The following SLIT3 variants were observed in gnomAD, a reference collection of about 807,000 sequenced individuals.
SLIT3 encodes slit guidance ligand 3.
A neutral mutation model predicts 184.0 loss-of-function variants in SLIT3; 68 were observed. That is an observed-to-expected ratio of 0.37 (90% CI 0.30 to 0.45). The LOEUF (loss-of-function observed/expected upper bound fraction) is 0.45, where lower values mean the gene tolerates loss of function less well. Among genes scored for constraint, SLIT3 ranks in the 20% least tolerant of loss-of-function variants. The pLI is 1.00. For missense variants in SLIT3, 1,707 were observed against 2,026.0 expected (o/e 0.84, Z 3.02); for synonymous variants, 831 against 828.6 (o/e 1.00, Z -0.05).
In SLIT3 at chr5:168,666,511, G is replaced by A. The variant is rs1178078129; in HGVS notation, c.4515C>T (p.Ser1505=). The A allele has an allele frequency of 5.6e-6, 9 of 1,609,194 alleles. No individual in the cohort carries two copies. Among genetic ancestry groups the A allele is most frequent in the Non-Finnish European group, 5.9e-6 (7 of 1,177,552 alleles). ...GTCTCTCCACCTCTTCTACAAACGA[G>A]GAGCCGTCCGTGCACTGGAAGACGT... ...RKYVFQCTDG[S]SFVEEVERHL... Residue 1505 remains serine, a synonymous_variant, in exon 36 of 36, where the codon TCC becomes TCT. Coordinates refer to ENST00000519560, the MANE Select transcript of SLIT3 (RefSeq NM_003062.4).
intron 20 of SLIT3, among the ~76,000 whole-genome samples, chr5:168,741,236 CGAGGCGG>C (rs1017301115): frequency 6.6e-6 from 1 of 151,998 alleles, no homozygotes; most frequent in African/African-American, 2.4e-5. Context: ...TTTGGGAGGC[CGAGGCGG>C]GCGGATCACG....
intron 4 of SLIT3, among the ~76,000 whole-genome samples, chr5:169,079,432 G>A (rs1758876580): frequency 6.7e-6 from 1 of 148,476 alleles, no homozygotes; most frequent in African/African-American, 2.5e-5. Context: ...TAAGAGACCA[G>A]GGTCAGGGAT....
intron 3 of SLIT3, among the ~76,000 whole-genome samples, chr5:169,197,870 T>C (rs1417489915): frequency 1.3e-5 from 2 of 152,190 alleles, no homozygotes; most frequent in African/African-American, 2.4e-5. Context: ...CAGCCTGAAT[T>C]GAGAAGCACT....
chr5:168,794,427 A>C (rs1181574752), intron 10 of SLIT3, among the ~76,000 whole-genome samples: 2 of 152,202 alleles, frequency 1.3e-5, no homozygotes, highest in Non-Finnish European at 2.9e-5. Context: ...TGAGTGACTC[A>C]CAGAGCAGTG....
chr5:168,894,557 G>A (rs1270571680), intron 4 of SLIT3, among the ~76,000 whole-genome samples: 1 of 152,058 alleles, frequency 6.6e-6, no homozygotes, highest in East Asian at 1.9e-4. Flanking sequence ...GAGAACTAAT[G>A]CTCCTAGAAC....
At chr5:168,752,850 C>A in intron 18 of SLIT3, 105 bp downstream of exon 18, 1 of 1,184,210 alleles carries the variant, frequency 8.4e-7, no homozygotes, top group Non-Finnish European at 1.2e-6. Context: ...TTTAAGTGGA[C>A]AGACAGATAG....
intron 4 of SLIT3, among the ~76,000 whole-genome samples, chr5:169,122,814 C>T (rs745555232): frequency 6.6e-5 from 10 of 152,076 alleles, no homozygotes. Context: ...CATCCCCATC[C>T]CTAGGAAATA....
Position 168,789,658 on chromosome 5 carries a change from G to A in SLIT3, c.1008-27C>T, listed in dbSNP as rs552406859. On this transcript the variant is annotated intron_variant, in intron 10 of 35. Coordinates refer to ENST00000519560, the MANE Select transcript of SLIT3 (RefSeq NM_003062.4). ...TGAAAACGTTAACGGTAAAGTCTGAGAACATGGCTCAAAGGTGCGATAACG... is the reference window on the plus strand; with the variant it reads ...TGAAAACGTTAACGGTAAAGTCTGAAAACATGGCTCAAAGGTGCGATAACG... 109 of 1,589,044 alleles carry A rather than the reference G, an allele frequency of 6.9e-5. No individual in the cohort carries two copies. The South Asian group carries it at 1.1e-3, about 16-fold the overall frequency.
chr5:168,922,512 C>T (rs921435793), intron 4 of SLIT3, among the ~76,000 whole-genome samples: 2 of 149,498 alleles, frequency 1.3e-5, no homozygotes, highest in East Asian at 2.0e-4. Context: ...AGTAAAAATC[C>T]GTAGAGGTGG....
chr5:169,200,787 C>A (rs533092552), intron 3 of SLIT3, among the ~76,000 whole-genome samples: 1 of 152,252 alleles, frequency 6.6e-6, no homozygotes, highest in South Asian at 2.1e-4. Flanking sequence ...GTCTAACAGC[C>A]AATTCAGGCT....
intron 1 of SLIT3, among the ~76,000 whole-genome samples, chr5:169,262,651 T>C (rs891013460): frequency 2.0e-5 from 3 of 152,174 alleles, no homozygotes; most frequent in African/African-American, 7.2e-5. Context: ...TCCTGCCAGA[T>C]TAATTTCCCC....
At chr5:168,839,666 G>A (rs984344436) in intron 6 of SLIT3, among the ~76,000 whole-genome samples, 5 of 152,124 alleles carry the variant, frequency 3.3e-5, no homozygotes, top group East Asian at 1.9e-4. Flanking sequence ...GCTAAGAGCC[G>A]GATCATCCCT....
Position 169,138,843 on chromosome 5 carries a change from C to A in SLIT3, c.413+54636G>T, listed in dbSNP as rs558038283. Among the ~76,000 whole-genome samples the A allele has an allele frequency of 1.2e-4, 19 of 152,286 alleles. No homozygotes were observed. In the South Asian group the frequency reaches 3.7e-3, roughly 30 times the overall value. ...AAGCAAGTGCTTCGCAATGAAAATGCCCTAAGTGATATTATCATGGGGAAA... is the reference window on the plus strand; with the variant it reads ...AAGCAAGTGCTTCGCAATGAAAATGACCTAAGTGATATTATCATGGGGAAA... On this transcript the variant is annotated intron_variant, in intron 4 of 35. Transcript: ENST00000519560.
intron 12 of SLIT3, among the ~76,000 whole-genome samples, chr5:168,775,649 C>T (rs533029340): frequency 6.6e-6 from 1 of 152,276 alleles, no homozygotes; most frequent in African/African-American, 2.4e-5. Context: ...TTTATTCCTC[C>T]CTTTCTTCTC....
chr5:168,703,977 G>A (rs1027615763), intron 26 of SLIT3, among the ~76,000 whole-genome samples: 3 of 147,788 alleles, frequency 2.0e-5, no homozygotes, highest in Admixed American at 1.4e-4. Context: ...AAAAGACACT[G>A]GGAACAGCTG....
At chr5:168,865,905 C>T (rs1759281211) in intron 5 of SLIT3, among the ~76,000 whole-genome samples, 2 of 152,204 alleles carry the variant, frequency 1.3e-5, no homozygotes, top group South Asian at 4.2e-4. Flanking sequence ...CTTTGTTAAA[C>T]AAAATACTAA....
chr5:169,147,168 C>A (rs1402344774), intron 4 of SLIT3, among the ~76,000 whole-genome samples: 1 of 152,236 alleles, frequency 6.6e-6, no homozygotes, highest in African/African-American at 2.4e-5. Flanking sequence ...TGGGTAGATA[C>A]ACCTTTCACC....
chr5:169,157,838 G>A (rs996421402), intron 4 of SLIT3, among the ~76,000 whole-genome samples: 3 of 151,298 alleles, frequency 2.0e-5, no homozygotes, highest in African/African-American at 7.3e-5. Context: ...AAAGAAAAAA[G>A]AACCAAATGA....
At chr5:168,885,627 T>C (rs1045327952) in intron 4 of SLIT3, among the ~76,000 whole-genome samples, 6 of 152,128 alleles carry the variant, frequency 3.9e-5, no homozygotes, top group African/African-American at 9.7e-5. Context: ...CCTCCCAGGA[T>C]TGGCTGCTCT....
Sources: allele counts gnomAD v4.1 joint callset (sites outside exome capture counted in the v4.1 genomes callset), GRCh38; gene constraint gnomAD v4.1.1; transcripts MANE v1.5; gene names NCBI Gene and HGNC (gene_info 2026-07-23, HGNC 2026-07-21).